The following NRP2 variants were observed in gnomAD, a reference collection of about 807,000 sequenced individuals.
NRP2 encodes the protein neuropilin 2.
Under a neutral mutation model 110.4 loss-of-function variants are expected in NRP2, and 52 were observed. The ratio of observed to expected loss-of-function variants is 0.47; its 90% CI spans 0.38 to 0.59. The LOEUF (loss-of-function observed/expected upper bound fraction) is 0.59. Among genes scored for constraint, NRP2 ranks in the 20% least tolerant of loss-of-function variants. The pLI, the probability that NRP2 is intolerant of heterozygous loss-of-function variation, is 0.00. For synonymous variants in NRP2, 508 were observed against 468.9 expected, an observed-to-expected ratio of 1.08 and a Z score of -1.08; for missense variants, 1,049 against 1,203.0, an observed-to-expected ratio of 0.87 and a Z score of 1.89.
intron 12 of NRP2, among the ~76,000 whole-genome samples, chr2:205,758,045 T>C (rs942858361): frequency 6.6e-6 from 1 of 152,162 alleles, no homozygotes; most frequent in Non-Finnish European, 1.5e-5. Context: ...GGTAGATTCC[T>C]GCAAGGGCTA....
At chr2:205,756,444 G>A (rs528033798) in intron 12 of NRP2, 1 of 152,156 alleles carries the variant, frequency 6.6e-6, no homozygotes, top group South Asian at 2.1e-4. Context: ...GGGCGGGCAG[G>A]TATCTAAAGC....
intron 8 of NRP2, among the ~76,000 whole-genome samples, 195 bp from the exon 9 acceptor site, chr2:205,743,008 G>A (rs1381896012): frequency 6.6e-6 from 1 of 152,226 alleles, no homozygotes; most frequent in African/African-American, 2.4e-5. Context: ...GTGGCAGAGT[G>A]AACATGAACA....
intron 1 of NRP2, among the ~76,000 whole-genome samples, chr2:205,693,270 G>C (rs1167310560): frequency 2.0e-5 from 3 of 152,192 alleles, no homozygotes; most frequent in African/African-American, 7.2e-5. Flanking sequence ...GGAAATAGAT[G>C]TCTCCTAGTC....
chr2:205,770,108 C>T lies in NRP2; in HGVS notation c.2425+3305C>T, dbSNP rs2057996982. On this transcript the variant is annotated intron_variant, in intron 15 of 16. Coordinates refer to ENST00000357785, the MANE Select transcript of NRP2 (RefSeq NM_003872.3). Reference sequence around the variant, plus strand: ...TACCTGTTAGAGACTCACGGAAATCCCAGCTGGGTGCACCTGTGGAAGGTG... The same window carrying T: ...TACCTGTTAGAGACTCACGGAAATCTCAGCTGGGTGCACCTGTGGAAGGTG... Among the ~76,000 whole-genome samples, 7 of 152,062 alleles carry T rather than the reference C, an allele frequency of 4.6e-5. No homozygotes were observed. In the South Asian group the frequency reaches 1.5e-3, roughly 32 times the overall value.
At chr2:205,701,884 A>G (rs1199221004) in intron 2 of NRP2, among the ~76,000 whole-genome samples, 1 of 152,192 alleles carries the variant, frequency 6.6e-6, no homozygotes, top group Non-Finnish European at 1.5e-5. Context: ...TTTAAAACCT[A>G]CATTGAGAGG....
rs1322370110 is a variant in NRP2, at chr2:205,763,686, T to C, written c.2057T>C (p.Phe686Ser). ...NDRTFPDDRN[F>S]LRLQSDSQRE... ...TTGTTTCTGCCAGATGACAGGAATT[T>C]CTTGCGGCTGCAGAGTGACAGCCAG... The change falls in exon 13 of 17, where the codon TTC becomes TCC. Residue 686 changes from phenylalanine to serine, a missense_variant. Transcript: ENST00000357785. This position sits in a 1 kb window ranked among gnomAD's most constrained non-coding sequence, Gnocchi z 4.0. The C allele has an allele frequency of 6.2e-7, 1 of 1,614,222 alleles. No homozygotes were observed. Among genetic ancestry groups the C allele is most frequent in the South Asian group, 1.1e-5 (1 of 91,086 alleles).
intron 1 of NRP2, among the ~76,000 whole-genome samples, chr2:205,694,944 A>G (rs1361976982): frequency 6.6e-6 from 1 of 152,230 alleles, no homozygotes. Context: ...GTTTGTGCAA[A>G]TGATGTGTGA....
chr2:205,776,268 C>A (rs756523995), intron 15 of NRP2: 1 of 1,612,918 alleles, frequency 6.2e-7, no homozygotes, highest in African/African-American at 1.3e-5. Context: ...TGCCAGGGAC[C>A]GAGCCCACAG....
At chr2:205,731,995 A>G (rs1280434791) in intron 7 of NRP2, among the ~76,000 whole-genome samples, 1 of 152,234 alleles carries the variant, frequency 6.6e-6, no homozygotes, top group African/African-American at 2.4e-5. Flanking sequence ...TGGAGCCTGC[A>G]TGGACGGCGC....
chr2:205,734,961 G>A (rs1462106750), intron 7 of NRP2, among the ~76,000 whole-genome samples: 1 of 152,170 alleles, frequency 6.6e-6, no homozygotes, highest in Non-Finnish European at 1.5e-5. Context: ...ATGAAGAGAT[G>A]GGAGTGTGCA....
rs950346344 is a variant in NRP2 at position 205,688,931 on chromosome 2, G to A, written c.73+5568G>A. Reference sequence around the variant, plus strand: ...GACCTGAACTTCCTATCCATCACCCGCCCTCCCCGGCCCCATGCCTAGGGT... The same window carrying A: ...GACCTGAACTTCCTATCCATCACCCACCCTCCCCGGCCCCATGCCTAGGGT... On this transcript the variant is annotated intron_variant, in intron 1 of 16. Transcript: ENST00000357785. Among the ~76,000 whole-genome samples the A allele has an allele frequency of 3.3e-5, 5 of 152,078 alleles. 1 individual carries two copies. Among genetic ancestry groups the A allele is most frequent in the African/African-American group, 9.6e-5 (4 of 41,492 alleles).
At chr2:205,768,984 T>C (rs2057973348) in intron 15 of NRP2, among the ~76,000 whole-genome samples, 1 of 152,200 alleles carries the variant, frequency 6.6e-6, no homozygotes, top group South Asian at 2.1e-4. Context: ...CTGAGACCTG[T>C]TTGACCACAG....
chr2:205,776,226 C>G (rs1270685549), intron 15 of NRP2: 10 of 1,608,472 alleles, frequency 6.2e-6, no homozygotes, highest in Non-Finnish European at 5.1e-6. Flanking sequence ...TAGCAACACT[C>G]TTCTGTGTCT....
intron 7 of NRP2, among the ~76,000 whole-genome samples, chr2:205,737,674 A>C (rs974764097): frequency 5.3e-5 from 8 of 152,252 alleles, no homozygotes; most frequent in African/African-American, 1.9e-4. Flanking sequence ...CTAGGCTTGG[A>C]AACGTGAAGG....
intron 15 of NRP2, chr2:205,767,502 A>T (rs962992632): frequency 1.8e-5 from 9 of 491,834 alleles, no homozygotes; most frequent in African/African-American, 1.8e-4. Context: ...ATCAGAAAGG[A>T]CGTGTTCTCC....
chr2:205,742,163 G>C (rs849571), intron 8 of NRP2, among the ~76,000 whole-genome samples: 29,616 of 152,144 alleles, frequency 0.19, 4,094 homozygotes, highest in East Asian at 0.45. Context: ...GGGGAACAAC[G>C]TGGAGGATCT....
chr2:205,767,091 T>G (rs918944565), intron 15 of NRP2: 1 of 496,390 alleles, frequency 2.0e-6, no homozygotes, highest in African/African-American at 2.0e-5. Flanking sequence ...CGGGGAGCAA[T>G]GAGGCTGAAA....
chr2:205,719,811 TA>T (rs146198386), intron 3 of NRP2, among the ~76,000 whole-genome samples: 3,316 of 152,320 alleles, frequency 0.022, 117 homozygotes, highest in African/African-American at 0.075. Context: ...AGAGTTATTG[TA>T]AAATTCACAG....
At chr2:205,749,874 G>A (rs558567226) in intron 11 of NRP2, 33 bp downstream of exon 11, 2 of 1,536,436 alleles carry the variant, frequency 1.3e-6, no homozygotes, top group Non-Finnish European at 1.8e-6. Context: ...TGGCATGGGT[G>A]CGGACTAGTC....
Sources: allele counts gnomAD v4.1 joint callset (sites outside exome capture counted in the v4.1 genomes callset), GRCh38; gene constraint gnomAD v4.1.1; non-coding constraint Gnocchi (gnomAD v3.1); transcripts MANE v1.5; gene names NCBI Gene and HGNC (gene_info 2026-07-23, HGNC 2026-07-21).